Variants in PPP3CC observed in about 807,000 individuals in gnomAD.
PPP3CC encodes the protein protein phosphatase 3 catalytic subunit gamma.
A neutral mutation model predicts 60.3 loss-of-function variants in PPP3CC; 35 were observed. The ratio of observed to expected loss-of-function variants is 0.58; its 90% CI spans 0.44 to 0.77. PPP3CC has a LOEUF of 0.77. Among genes scored for constraint, PPP3CC ranks in the 30% least tolerant of loss-of-function variants. The probability of loss-of-function intolerance (pLI) is 0.00; values close to 1 mark genes in which losing one functional copy is unlikely to be tolerated. For missense variants in PPP3CC, 570 were observed against 628.9 expected (o/e 0.91, Z 1.00); for synonymous variants, 206 against 224.3 (o/e 0.92, Z 0.73).
At chr8:22,535,567 C>T (rs999020710) in intron 12 of PPP3CC, among the ~76,000 whole-genome samples, 2 of 151,932 alleles carry the variant, frequency 1.3e-5, no homozygotes, top group Admixed American at 6.6e-5. Context: ...ACTGTCATAG[C>T]TCATGGCAGC....
At chr8:22,459,037 T>C (rs1191655936) in intron 1 of PPP3CC, among the ~76,000 whole-genome samples, 1 of 152,204 alleles carries the variant, frequency 6.6e-6, no homozygotes, top group Non-Finnish European at 1.5e-5. Flanking sequence ...GTTTCACATA[T>C]TGAAGTTGAC....
At chr8:22,479,039 C>T (rs1837982995) in intron 3 of PPP3CC, among the ~76,000 whole-genome samples, 1 of 152,096 alleles carries the variant, frequency 6.6e-6, no homozygotes, top group African/African-American at 2.4e-5. Flanking sequence ...ATCGAGTATT[C>T]ATTGGAAGTC....
At chr8:22,531,726 T>G (rs1211506052) in intron 10 of PPP3CC, among the ~76,000 whole-genome samples, 1 of 152,242 alleles carries the variant, frequency 6.6e-6, no homozygotes, top group Non-Finnish European at 1.5e-5. Context: ...TAAGTGAAGC[T>G]TATAGAATGA....
At chr8:22,536,912 G>A (rs1257091235) in intron 12 of PPP3CC, among the ~76,000 whole-genome samples, 1 of 152,052 alleles carries the variant, frequency 6.6e-6, no homozygotes, top group African/African-American at 2.4e-5. Flanking sequence ...GAAACATAGT[G>A]GAGTAAAATA....
intron 1 of PPP3CC, among the ~76,000 whole-genome samples, chr8:22,455,276 T>G (rs1406572543): frequency 6.6e-6 from 1 of 152,134 alleles, no homozygotes; most frequent in Non-Finnish European, 1.5e-5. Flanking sequence ...TAATAGCCTC[T>G]CAAAAATGTC....
At chr8:22,473,744 G>A (rs532785080) in intron 1 of PPP3CC, among the ~76,000 whole-genome samples, 1 of 152,180 alleles carries the variant, frequency 6.6e-6, no homozygotes, top group African/African-American at 2.4e-5. Flanking sequence ...GATTACAAGC[G>A]TGAGCCACAC....
intron 6 of PPP3CC, among the ~76,000 whole-genome samples, chr8:22,514,341 ATATGTT>A (rs1554540902): frequency 6.6e-6 from 1 of 151,850 alleles, no homozygotes; most frequent in Non-Finnish European, 1.5e-5. Context: ...CAAATAATAC[ATATGTT>A]TATTTCCCTA....
At chr8:22,525,518 C>A (rs1441482636) in intron 8 of PPP3CC, among the ~76,000 whole-genome samples, 3 of 91,426 alleles carry the variant, frequency 3.3e-5, no homozygotes, top group African/African-American at 4.5e-5. Context: ...TTCTTTCTTT[C>A]TTTCTTTCTT....
At chr8:22,508,655 A>T (rs1449840839) in intron 4 of PPP3CC, among the ~76,000 whole-genome samples, 1 of 152,228 alleles carries the variant, frequency 6.6e-6, no homozygotes, top group Non-Finnish European at 1.5e-5. Context: ...AGCATAAATT[A>T]ATAAGTAATT....
chr8:22,505,151 T>C (rs1265612645), intron 4 of PPP3CC, among the ~76,000 whole-genome samples: 2 of 151,102 alleles, frequency 1.3e-5, no homozygotes, highest in African/African-American at 4.9e-5. Flanking sequence ...TTCAGCCTCC[T>C]GAGTAGCTGG....
At position 22,530,584 on chromosome 8, in the gene PPP3CC, G is replaced by A. The variant is rs568210951; in HGVS notation, c.1142-1641G>A. On this transcript the variant is annotated intron_variant, in intron 10 of 13. Transcript: ENST00000240139. ...ATAGTGGCTCACGCCTGTAATCTCA[G>A]CACTTTGGGAGGCTGAGGCAGGTGG... Among the ~76,000 whole-genome samples the A allele has an allele frequency of 1.7e-3, 256 of 151,736 alleles. 2 individuals carry two copies. The highest frequency in any genetic ancestry group is 0.014 in the Middle Eastern group (4 of 292).
chr8:22,465,855 T>C (rs992973119), intron 1 of PPP3CC, among the ~76,000 whole-genome samples: 4 of 152,142 alleles, frequency 2.6e-5, no homozygotes, highest in Non-Finnish European at 4.4e-5. Context: ...TAAAAAATTA[T>C]TCTTTAAGTT....
chr8:22,496,589 C>T (rs1838594538), intron 3 of PPP3CC, among the ~76,000 whole-genome samples: 1 of 146,800 alleles, frequency 6.8e-6, no homozygotes, highest in Admixed American at 7.0e-5. Context: ...CCTCTGCCTC[C>T]CAGGTTCCAG....
intron 10 of PPP3CC, among the ~76,000 whole-genome samples, chr8:22,532,022 CT>C (rs750528351): frequency 5.9e-5 from 9 of 152,186 alleles, no homozygotes; most frequent in Non-Finnish European, 1.0e-4. Context: ...TCATTTTTTA[CT>C]TCATCTTTTT....
chr8:22,522,126 A>G (rs1203304057), intron 6 of PPP3CC, among the ~76,000 whole-genome samples: 1 of 123,944 alleles, frequency 8.1e-6, no homozygotes, highest in Admixed American at 8.2e-5. Context: ...TTTAGCATCT[A>G]CTACACACAC....
intron 12 of PPP3CC, among the ~76,000 whole-genome samples, chr8:22,537,046 G>C (rs1177118023): frequency 2.6e-5 from 4 of 152,160 alleles, no homozygotes; most frequent in Non-Finnish European, 5.9e-5. Context: ...GATTCACAAA[G>C]ACCATCAGAT....
chr8:22,529,015 A>G (rs911993855), intron 10 of PPP3CC, among the ~76,000 whole-genome samples: 5 of 152,216 alleles, frequency 3.3e-5, no homozygotes, highest in African/African-American at 1.2e-4. Flanking sequence ...AAATGTGCAC[A>G]TTCTCTTAAC....
At chr8:22,513,090 A>T (rs567968651) in intron 5 of PPP3CC, among the ~76,000 whole-genome samples, 244 of 152,178 alleles carry the variant, frequency 1.6e-3, no homozygotes, top group African/African-American at 5.4e-3. Flanking sequence ...AAAAAAAAAA[A>T]TTTATTTCAG....
At chr8:22,447,849 G>A (rs1459082900) in intron 1 of PPP3CC, among the ~76,000 whole-genome samples, 3 of 152,158 alleles carry the variant, frequency 2.0e-5, no homozygotes, top group African/African-American at 7.2e-5. Flanking sequence ...GTTTGAAGAG[G>A]GTTTAACTTG....
Sources: gnomAD v4.1 joint callset for allele counts (sites outside exome capture counted in the v4.1 genomes callset) on GRCh38, gnomAD v4.1.1 for gene constraint, MANE v1.5 for transcripts, NCBI Gene and HGNC (gene_info 2026-07-23, HGNC 2026-07-21) for gene names.